Variants in ESR1 observed in about 807,000 individuals in gnomAD.
ESR1 encodes estrogen receptor 1.
ESR1 carries 12 observed loss-of-function variants against 52.7 expected under a neutral mutation model. The observed-to-expected ratio is 0.23, with a 90% CI of 0.15 to 0.37. ESR1 has a LOEUF of 0.37. Ranked by LOEUF, ESR1 falls within the 10% of genes least tolerant of loss-of-function variation. ESR1 has a pLI of 1.00. For synonymous variants in ESR1, 305 were observed against 316.8 expected (o/e 0.96, Z 0.39); for missense variants, 584 against 779.7 (o/e 0.75, Z 2.99).
chr6:152,119,402 T>C (rs1274502431), intron 6 of ESR1, among the ~76,000 whole-genome samples: 1 of 152,214 alleles, frequency 6.6e-6, no homozygotes, highest in Non-Finnish European at 1.5e-5. Context: ...AATCCTTTCA[T>C]TTCTCCCGGG....
At position 151,890,774 on chromosome 6, in the gene ESR1, G is replaced by A. The variant is rs117481587; in HGVS notation, c.760+10003G>A. Among the ~76,000 whole-genome samples, 52 of 152,172 alleles carry A rather than the reference G, an allele frequency of 3.4e-4. No individual in the cohort carries two copies. The East Asian group carries it at 7.5e-3, about 22-fold the overall frequency. On this transcript the variant is annotated intron_variant, in intron 3 of 7. Coordinates refer to ENST00000206249, the MANE Select transcript of ESR1 (RefSeq NM_000125.4). ...CTTATTTTATAGTTTGTGACTTAAA[G>A]CCTATTTTATTTGATATAAATATAG...
intron 5 of ESR1, among the ~76,000 whole-genome samples, chr6:152,050,543 G>A (rs1035266149): frequency 9.2e-5 from 14 of 151,942 alleles, no homozygotes; most frequent in South Asian, 8.3e-4. Flanking sequence ...ACATTTTTGC[G>A]GGTTATCATG....
chr6:151,734,381 G>C (rs185588651), intron 2 of ESR1, among the ~76,000 whole-genome samples: 76 of 152,210 alleles, frequency 5.0e-4, no homozygotes, highest in Non-Finnish European at 8.7e-4. Flanking sequence ...AGCTGTTTTT[G>C]GAGCCTGTGC....
At chr6:151,840,970 A>G (rs990837178) in intron 1 of ESR1, among the ~76,000 whole-genome samples, 22 of 152,126 alleles carry the variant, frequency 1.4e-4, no homozygotes, top group African/African-American at 4.6e-4. Context: ...TCCTGGGCCA[A>G]TATAACATCT....
chr6:152,010,153 G>A (rs1037493152), intron 4 of ESR1, among the ~76,000 whole-genome samples: 1 of 151,992 alleles, frequency 6.6e-6, no homozygotes. Context: ...TTCCCTATGT[G>A]GATCATTATC....
intron 2 of ESR1, among the ~76,000 whole-genome samples, chr6:151,746,349 T>A (rs1408704798): frequency 1.3e-5 from 2 of 152,260 alleles, no homozygotes; most frequent in Non-Finnish European, 2.9e-5. Flanking sequence ...ATTTTAGACA[T>A]AGCTCACGAA....
chr6:151,863,334 T>C (rs1789240569), intron 2 of ESR1, among the ~76,000 whole-genome samples: 1 of 152,210 alleles, frequency 6.6e-6, no homozygotes, highest in Admixed American at 6.5e-5. Context: ...AGTGGTTTTG[T>C]GGTTCTCCTT....
At chr6:151,681,811 T>G (rs1187149555) in intron 1 of ESR1, among the ~76,000 whole-genome samples, 1 of 152,092 alleles carries the variant, frequency 6.6e-6, no homozygotes, top group African/African-American at 2.4e-5. Context: ...GAGGCGGTGC[T>G]TTCTGCCAAA....
intron 3 of ESR1, among the ~76,000 whole-genome samples, chr6:151,886,275 C>T (rs1793829124): frequency 6.6e-6 from 1 of 151,960 alleles, no homozygotes; most frequent in Non-Finnish European, 1.5e-5. Flanking sequence ...ACCATAGATT[C>T]AGAGGCGTGT....
intron 2 of ESR1, among the ~76,000 whole-genome samples, chr6:151,706,319 A>T (rs1780180571): frequency 6.6e-6 from 1 of 152,210 alleles, no homozygotes; most frequent in African/African-American, 2.4e-5. Flanking sequence ...AACATGCAGG[A>T]CCCATTTCTT....
intron 2 of ESR1, among the ~76,000 whole-genome samples, chr6:151,754,473 T>G (rs190478510): frequency 6.6e-6 from 1 of 152,346 alleles, no homozygotes; most frequent in Non-Finnish European, 1.5e-5. Context: ...AAACCTTGAT[T>G]GATTTCTCTC....
intron 3 of ESR1, among the ~76,000 whole-genome samples, chr6:151,889,944 A>C (rs1794454405): frequency 1.3e-5 from 2 of 152,046 alleles, no homozygotes; most frequent in Non-Finnish European, 2.9e-5. Flanking sequence ...ATTTTCAAGT[A>C]TTTGTGAATT....
chr6:151,969,215 C>A (rs1385142503), intron 4 of ESR1, among the ~76,000 whole-genome samples: 2 of 152,144 alleles, frequency 1.3e-5, no homozygotes, highest in Non-Finnish European at 2.9e-5. Context: ...CTGTGCCAAT[C>A]CATCCCATCT....
In ESR1 at chr6:152,070,619, C is replaced by T. The variant is rs78557025; in HGVS notation, c.1369+9495C>T. Among the ~76,000 whole-genome samples the T allele has an allele frequency of 1.9e-4, 26 of 138,542 alleles. 3 individuals carry two copies. In the East Asian group the frequency reaches 4.9e-3, roughly 26 times the overall value. 90.9% of individuals were successfully genotyped at this position (138,542 alleles called of 152,430 possible). A position where few individuals can be genotyped will look rare whatever the true frequency, so the allele number is the denominator to read the frequency against. ...TTAGCCAGAATATGTACATCTGCAT[C>T]TGCCACTCATGGCCCCATCGCTCCC... On this transcript the variant is annotated intron_variant, in intron 6 of 7. Transcript: ENST00000206249.
intron 3 of ESR1, among the ~76,000 whole-genome samples, chr6:151,899,657 T>A (rs1403463771): frequency 7.1e-6 from 1 of 141,018 alleles, no homozygotes; most frequent in African/African-American, 2.7e-5. Flanking sequence ...GCTGCCGGGC[T>A]GAGGGGCTCC....
intron 4 of ESR1, among the ~76,000 whole-genome samples, chr6:151,976,489 A>ATAAAACC (rs1446690987): frequency 6.6e-6 from 1 of 151,850 alleles, no homozygotes. Flanking sequence ...CACCATGCCT[A>ATAAAACC]TAAAACCTTT....
intron 1 of ESR1, among the ~76,000 whole-genome samples, chr6:151,659,035 T>C (rs988572533): frequency 6.6e-6 from 1 of 152,180 alleles, no homozygotes; most frequent in East Asian, 1.9e-4. Context: ...GTTTTTGAGA[T>C]GGAGTTTCGA....
chr6:151,930,456 G>A (rs922387627), intron 3 of ESR1, among the ~76,000 whole-genome samples: 4 of 152,000 alleles, frequency 2.6e-5, no homozygotes, highest in Admixed American at 2.6e-4. Context: ...TGACATAGCT[G>A]TCATTTATTT....
chr6:152,039,103 C>T lies in ESR1; in HGVS notation c.1236-21888C>T, dbSNP rs369493699. 7.2e-5 allele frequency among the ~76,000 whole-genome samples: 11 copies of T among 152,306 alleles called. No homozygotes were observed. In the South Asian group the frequency reaches 8.3e-4, roughly 11 times the overall value. On this transcript the variant is annotated intron_variant, in intron 5 of 7. Transcript: ENST00000206249. Reference sequence around the variant, plus strand: ...TGGTTGCTGCAACTCATCACATGGTCGTAGCTGTTATTGATGACTACCTTC... The same window carrying T: ...TGGTTGCTGCAACTCATCACATGGTTGTAGCTGTTATTGATGACTACCTTC...
Sources: allele counts gnomAD v4.1 joint callset (sites outside exome capture counted in the v4.1 genomes callset), GRCh38; gene constraint gnomAD v4.1.1; transcripts MANE v1.5; gene names NCBI Gene and HGNC (gene_info 2026-07-23, HGNC 2026-07-21).